The following CDC42SE2 variants were observed in gnomAD, a reference collection of about 807,000 sequenced individuals.
The protein encoded by CDC42SE2 is CDC42 small effector protein 2.
CDC42SE2 carries 3 observed loss-of-function variants against 11.5 expected under a neutral mutation model. The observed-to-expected ratio is 0.26, with a 90% CI of 0.12 to 0.67. CDC42SE2 has a LOEUF of 0.67. CDC42SE2 is among the 30% of genes least tolerant of loss of function. The probability of loss-of-function intolerance (pLI) is 0.80; values close to 1 mark genes in which losing one functional copy is unlikely to be tolerated. For missense variants in CDC42SE2, 82 were observed against 106.8 expected, an observed-to-expected ratio of 0.77 and a Z score of 1.02; for synonymous variants, 33 against 34.8, an observed-to-expected ratio of 0.95 and a Z score of 0.18.
intron 1 of CDC42SE2, among the ~76,000 whole-genome samples, chr5:131,289,560 C>T (rs1757408938): frequency 6.6e-6 from 1 of 152,016 alleles, no homozygotes; most frequent in Admixed American, 6.6e-5. Flanking sequence ...GTAGTCCCAG[C>T]TACTCTGGAG....
chr5:131,339,794 A>G (rs1176350312), intron 2 of CDC42SE2, among the ~76,000 whole-genome samples: 1 of 150,792 alleles, frequency 6.6e-6, no homozygotes, highest in Non-Finnish European at 1.5e-5. Context: ...TGAATGACAG[A>G]GCAAGACCCC....
chr5:131,379,073 A>T (rs1750239263), intron 3 of CDC42SE2, among the ~76,000 whole-genome samples: 1 of 152,198 alleles, frequency 6.6e-6, no homozygotes, highest in Non-Finnish European at 1.5e-5. Context: ...GGATTTAGTT[A>T]CACAACTCAA....
Position 131,323,265 on chromosome 5 carries a change from A to G in CDC42SE2, c.-286+7121A>G, listed in dbSNP as rs115545932. 3.8e-3 allele frequency among the ~76,000 whole-genome samples: 576 copies of G among 151,594 alleles called. 5 individuals carry two copies. The highest frequency in any genetic ancestry group is 0.012 in the African/African-American group (483 of 41,320). On this transcript the variant is annotated intron_variant, in intron 2 of 4. Coordinates refer to ENST00000505065, the MANE Select transcript of CDC42SE2 (RefSeq NM_001375635.1). The stretch of plus-strand genomic sequence containing the variant: ...CATCTCAAACTCCTGGGCTCGAGCA[A>G]TCCTTCCACCTTGGCATTCAAGTGT...
At chr5:131,385,462 A>G (rs1192990424) in intron 3 of CDC42SE2, 81 bp from the exon 4 acceptor site, 13 of 944,968 alleles carry the variant, frequency 1.4e-5, no homozygotes, top group Non-Finnish European at 2.1e-5. Context: ...CAAATTTATT[A>G]AACAGTCATA....
intron 1 of CDC42SE2, among the ~76,000 whole-genome samples, chr5:131,294,076 T>G (rs926982451): frequency 1.3e-5 from 2 of 152,180 alleles, no homozygotes; most frequent in Non-Finnish European, 2.9e-5. Context: ...TTAATGATAT[T>G]GTCAATGCAG....
intron 2 of CDC42SE2, among the ~76,000 whole-genome samples, chr5:131,324,068 T>C (rs1239834536): frequency 6.6e-6 from 1 of 152,214 alleles, no homozygotes. Context: ...TTACTTGCAG[T>C]TCTTGTTTTT....
chr5:131,335,442 T>C (rs976289441), intron 2 of CDC42SE2, among the ~76,000 whole-genome samples: 4 of 152,338 alleles, frequency 2.6e-5, no homozygotes, highest in African/African-American at 9.6e-5. Flanking sequence ...ATGTATATTC[T>C]GTTGATTTGG....
At chr5:131,297,082 AC>A (rs1418272127) in intron 1 of CDC42SE2, among the ~76,000 whole-genome samples, 1 of 152,044 alleles carries the variant, frequency 6.6e-6, no homozygotes, top group Non-Finnish European at 1.5e-5. Context: ...GATGACAGTA[AC>A]TAATTTAGAC....
At chr5:131,389,329 A>C (rs1037486694) in intron 4 of CDC42SE2, among the ~76,000 whole-genome samples, 4 of 152,204 alleles carry the variant, frequency 2.6e-5, no homozygotes, top group African/African-American at 9.7e-5. Flanking sequence ...GAGCAAGTTT[A>C]TGTTTAAAAA....
chr5:131,346,927 C>T lies in CDC42SE2; in HGVS notation c.-285-12282C>T, dbSNP rs187116774. 2.6e-5 allele frequency among the ~76,000 whole-genome samples: 4 copies of T among 152,212 alleles called. No homozygotes were observed. In the East Asian group the frequency reaches 7.7e-4, roughly 29 times the overall value. On this transcript the variant is annotated intron_variant, in intron 2 of 4. Coordinates refer to ENST00000505065, the MANE Select transcript of CDC42SE2 (RefSeq NM_001375635.1). The stretch of plus-strand genomic sequence containing the variant: ...TAGTGGGTAAATAATGAAATGAAGG[C>T]AGAAATAAAGATGTTCTTTGAAACC...
chr5:131,236,409 G>C, the CDC42SE2 span, among the ~76,000 whole-genome samples: 2 of 152,142 alleles, frequency 1.3e-5, no homozygotes, highest in South Asian at 4.2e-4. Context: ...GAGGTAGATA[G>C]AGGTTAAGTT....
At chr5:131,390,946 ACTTCCTGACTTC>A in intron 4 of CDC42SE2, 35 bp from the exon 5 acceptor site, 1 of 1,287,680 alleles carries the variant, frequency 7.8e-7, no homozygotes, top group Non-Finnish European at 1.1e-6. Context: ...CACCGGACCT[ACTTCCTGACTTC>A]CATTTTGTTT....
At chr5:131,235,422 T>A in the CDC42SE2 span, among the ~76,000 whole-genome samples, 1 of 151,534 alleles carries the variant, frequency 6.6e-6, no homozygotes, top group South Asian at 2.1e-4. Flanking sequence ...CCCGAGTAGC[T>A]GAGACTACAG....
chr5:131,217,873 G>T, the CDC42SE2 span, among the ~76,000 whole-genome samples: 4 of 152,220 alleles, frequency 2.6e-5, no homozygotes, highest in Non-Finnish European at 4.4e-5. Flanking sequence ...AACATACAAA[G>T]ACATACATTA....
chr5:131,367,667 G>A (rs1749899275), intron 3 of CDC42SE2, among the ~76,000 whole-genome samples: 1 of 152,066 alleles, frequency 6.6e-6, no homozygotes, highest in South Asian at 2.1e-4. Flanking sequence ...CATGTCTTTT[G>A]TACATTTTTA....
At chr5:131,210,787 A>G in the CDC42SE2 span, among the ~76,000 whole-genome samples, 1 of 152,162 alleles carries the variant, frequency 6.6e-6, no homozygotes, top group Non-Finnish European at 1.5e-5. Context: ...TTGTGCATCA[A>G]TTCTAGAAAT....
rs761223026 is a variant in CDC42SE2 at position 131,359,541 on chromosome 5, T to A, written c.48T>A (p.Pro16=). The change falls in exon 3 of 5, where the codon CCT becomes CCA. Residue 16 remains proline (P), a synonymous_variant. Transcript: ENST00000505065. The part of the protein sequence containing the change: ...LCFNCCIAEQ[P]QPKRRRRIDR... ...TCAACTGCTGTATTGCAGAACAGCC[T>A]CAGCCTGTAAGTATGAAGTATGTGG... The A allele has an allele frequency of 1.3e-5, 21 of 1,611,584 alleles. No individual in the cohort carries two copies. The Admixed American group carries it at 3.5e-4, about 27-fold the overall frequency.
intron 2 of CDC42SE2, chr5:131,255,490 C>A (rs909877503): frequency 5.9e-5 from 9 of 152,130 alleles, no homozygotes; most frequent in Non-Finnish European, 1.0e-4. Context: ...GAGAGCCGGG[C>A]GCAGTGGCTC....
At chr5:131,277,132 A>G (rs756422666) in intron 1 of CDC42SE2, among the ~76,000 whole-genome samples, 1 of 152,220 alleles carries the variant, frequency 6.6e-6, no homozygotes, top group Non-Finnish European at 1.5e-5. Context: ...ATTTTGAAAT[A>G]ATCTATTTTA....
Sources: gnomAD v4.1 joint callset for allele counts (sites outside exome capture counted in the v4.1 genomes callset) on GRCh38, gnomAD v4.1.1 for gene constraint, MANE v1.5 for transcripts, NCBI Gene and HGNC (gene_info 2026-07-23, HGNC 2026-07-21) for gene names.